The following CGGBP1 variants were observed in gnomAD, a reference collection of about 807,000 sequenced individuals.
CGGBP1 encodes CGG triplet repeat-binding protein 1.
CGGBP1 carries 4 observed loss-of-function variants against 11.4 expected under a neutral mutation model. The observed-to-expected ratio is 0.35, with a 90% CI of 0.17 to 0.80. The LOEUF (loss-of-function observed/expected upper bound fraction) is 0.80, where lower values mean the gene tolerates loss of function less well. Among genes scored for constraint, CGGBP1 ranks in the 30% least tolerant of loss-of-function variants. The pLI is 0.52. For synonymous variants in CGGBP1, 76 were observed against 74.1 expected (o/e 1.03, Z -0.13); for missense variants, 135 against 202.1 (o/e 0.67, Z 2.01).
intron 2 of CGGBP1, chr3:88,138,761 C>G (rs1387560614): frequency 8.1e-7 from 1 of 1,231,960 alleles, no homozygotes; most frequent in African/African-American, 1.5e-5. Context: ...CTCTACAACT[C>G]GACCTTCATG....
intron 2 of CGGBP1, among the ~76,000 whole-genome samples, chr3:88,104,155 A>G (rs1704600751): frequency 6.6e-6 from 1 of 152,188 alleles, no homozygotes; most frequent in South Asian, 2.1e-4. Context: ...TGAACTACAG[A>G]AAAATGTTAA....
At chr3:88,080,553 C>A (rs2107643874) in intron 2 of CGGBP1, among the ~76,000 whole-genome samples, 2 of 152,136 alleles carry the variant, frequency 1.3e-5, no homozygotes, top group Middle Eastern at 6.8e-3. Flanking sequence ...GCTAAGGTTA[C>A]CAGCTAATAA....
intron 2 of CGGBP1, among the ~76,000 whole-genome samples, chr3:88,125,134 G>C (rs1216832963): frequency 2.0e-5 from 3 of 151,426 alleles, no homozygotes; most frequent in Non-Finnish European, 4.4e-5. Flanking sequence ...AGAATCGCTT[G>C]AACCTGGGAG....
intron 2 of CGGBP1, among the ~76,000 whole-genome samples, chr3:88,131,099 C>CTGGA (rs1706431579): frequency 6.6e-6 from 1 of 152,088 alleles, no homozygotes; most frequent in African/African-American, 2.4e-5. Flanking sequence ...TACTGCACAT[C>CTGGA]TGGGCTATAT....
intron 2 of CGGBP1, among the ~76,000 whole-genome samples, chr3:88,104,347 GC>G (rs2107730771): frequency 6.6e-6 from 1 of 152,250 alleles, no homozygotes; most frequent in African/African-American, 2.4e-5. Context: ...TTTTAAAAGG[GC>G]TAGATATTTT....
intron 2 of CGGBP1, among the ~76,000 whole-genome samples, chr3:88,090,604 A>G (rs1708581944): frequency 6.6e-6 from 1 of 151,374 alleles, no homozygotes; most frequent in South Asian, 2.1e-4. Flanking sequence ...GCCTACATAT[A>G]CAGTGTTTAT....
intron 2 of CGGBP1, among the ~76,000 whole-genome samples, chr3:88,094,129 G>GTTT (rs1703914002): frequency 6.7e-6 from 1 of 149,198 alleles, no homozygotes. Flanking sequence ...GGCAGTTGGT[G>GTTT]GTCTTAATTC....
At chr3:88,076,547 GTTAA>G (rs1470052788) in intron 2 of CGGBP1, among the ~76,000 whole-genome samples, 2 of 151,840 alleles carry the variant, frequency 1.3e-5, no homozygotes, top group South Asian at 2.1e-4. Flanking sequence ...TTTTTCCACT[GTTAA>G]TTGTGAGTGC....
At chr3:88,087,907 C>T (rs1482014569) in intron 2 of CGGBP1, among the ~76,000 whole-genome samples, 1 of 152,100 alleles carries the variant, frequency 6.6e-6, no homozygotes, top group African/African-American at 2.4e-5. Flanking sequence ...CTCCAAAATT[C>T]GAAACTCTTT....
chr3:88,096,442 C>T (rs1365580180), intron 2 of CGGBP1, among the ~76,000 whole-genome samples: 1 of 151,988 alleles, frequency 6.6e-6, no homozygotes, highest in East Asian at 1.9e-4. Context: ...GGAGAAAGAC[C>T]CTCATTTCTC....
At chr3:88,149,812 C>A (rs773022393) in exon 1 of CGGBP1, 3 of 521,468 alleles carry the variant, frequency 5.8e-6, no homozygotes, top group Non-Finnish European at 1.0e-5. Flanking sequence ...ATAAACCCAG[C>A]ACTTCCCTTA....
At position 88,137,134 on chromosome 3, in the gene CGGBP1, G is replaced by T. The variant is rs544807715; in HGVS notation, c.-229+3836C>A. ...TGCTTGAACCCGGGAGGCAGAGGTT[G>T]CAGTGAGCTGAGATCATGCCATTCT... On this transcript the variant is annotated intron_variant, in intron 2 of 3. Coordinates refer to the CGGBP1 transcript ENST00000462901. 5.2e-5 allele frequency among the ~76,000 whole-genome samples: 7 copies of T among 135,806 alleles called. No individual in the cohort carries two copies. The South Asian group carries it at 1.2e-3, about 23-fold the overall frequency. 89.1% of individuals were successfully genotyped at this position (135,806 alleles called of 152,430 possible). A position where few individuals can be genotyped will look rare whatever the true frequency, so the allele number is the denominator to read the frequency against.
intron 1 of CGGBP1, chr3:88,143,058 C>T (rs1707204393): frequency 6.6e-6 from 1 of 152,180 alleles, no homozygotes. Flanking sequence ...GTCCCAATGT[C>T]AAATATTCCA....
intron 2 of CGGBP1, among the ~76,000 whole-genome samples, chr3:88,112,700 C>T (rs1033878906): frequency 4.0e-5 from 6 of 151,798 alleles, no homozygotes; most frequent in African/African-American, 1.5e-4. Flanking sequence ...TTTTATTCAA[C>T]TCTTGTATCA....
rs538508579 is a variant in CGGBP1, at chr3:88,057,300, G to A, written c.-125-8C>T. On this transcript the variant is annotated splice_polypyrimidine_tract_variant and splice_region_variant and intron_variant, in intron 2 of 3. Transcript: ENST00000482016. ...AAACATTCCACAGAAATTCTGAAAA[G>A]TACGATAAAGTCTAGGTTTTAATAA... is the stretch of plus-strand genomic sequence containing the variant. 8 of 151,200 alleles carry A rather than the reference G, an allele frequency of 5.3e-5. No individual in the cohort carries two copies. Among genetic ancestry groups the A allele is most frequent in the Admixed American group, 1.3e-4 (2 of 15,158 alleles). 9.4% of individuals were successfully genotyped at this position (151,200 alleles called of 1,614,324 possible).
intron 2 of CGGBP1, among the ~76,000 whole-genome samples, chr3:88,106,817 C>CT (rs1224110219): frequency 6.6e-6 from 1 of 151,342 alleles, no homozygotes; most frequent in East Asian, 1.9e-4. Context: ...ATTTTTTTTT[C>CT]TGATATTTGT....
intron 2 of CGGBP1, among the ~76,000 whole-genome samples, chr3:88,088,834 A>G (rs1410425006): frequency 2.0e-5 from 3 of 151,932 alleles, no homozygotes; most frequent in Non-Finnish European, 4.4e-5. Context: ...GTACAGTGGC[A>G]TGATCTCGGC....
chr3:88,057,658 G>GT (rs1706588960), intron 2 of CGGBP1: 1 of 152,142 alleles, frequency 6.6e-6, no homozygotes, highest in Non-Finnish European at 1.5e-5. Flanking sequence ...AATGCGTTAA[G>GT]TCTTACTTTC....
intron 2 of CGGBP1, among the ~76,000 whole-genome samples, chr3:88,087,581 A>G (rs1326186717): frequency 6.6e-6 from 1 of 152,212 alleles, no homozygotes; most frequent in Non-Finnish European, 1.5e-5. Context: ...GAAAGCAGAT[A>G]GAGGAATGGT....
Sources: gnomAD v4.1 joint callset for allele counts (sites outside exome capture counted in the v4.1 genomes callset) on GRCh38, gnomAD v4.1.1 for gene constraint, MANE v1.5 for transcripts, NCBI Gene and HGNC (gene_info 2026-07-23, HGNC 2026-07-21) for gene names.